The following PRKCH variants were observed in gnomAD, a reference collection of about 807,000 sequenced individuals.
The protein encoded by PRKCH is protein kinase C eta type.
Under a neutral mutation model 82.5 loss-of-function variants are expected in PRKCH, and 28 were observed. The observed-to-expected ratio is 0.34, with a 90% CI of 0.25 to 0.47. The LOEUF (loss-of-function observed/expected upper bound fraction) is 0.47, where lower values mean the gene tolerates loss of function less well. Ranked by LOEUF, PRKCH falls within the 20% of genes least tolerant of loss-of-function variation. The pLI is 1.00. For missense variants in PRKCH, 705 were observed against 881.8 expected (o/e 0.80, Z 2.54); for synonymous variants, 322 against 327.4 (o/e 0.98, Z 0.18).
intron 1 of PRKCH, among the ~76,000 whole-genome samples, chr14:61,272,870 G>A (rs2045170369): frequency 6.6e-6 from 1 of 152,088 alleles, no homozygotes; most frequent in South Asian, 2.1e-4. Flanking sequence ...CTTACTCAGG[G>A]CGGGACTCTC....
At position 61,529,079 on chromosome 14, in the gene PRKCH, C is replaced by G. The variant is rs760379719; in HGVS notation, c.1438C>G (p.Leu480Val). 6.2e-7 allele frequency: 1 copy of G among 1,608,180 alleles called. No individual in the cohort carries two copies. The highest frequency in any genetic ancestry group is 2.2e-5 in the East Asian group (1 of 44,658). ...LHDKGIIYRD[L>V]KLDNVLLDHE... ...GCTGCTCTTTGTATCTTTCAGAGAT[C>G]TGAAACTGGACAATGTCCTGTTGGA... Residue 480 changes from leucine to valine, a missense_variant, in exon 11 of 14, where the codon CTG becomes GTG. By Grantham distance (32) the Leu-to-Val change is conservative. Coordinates refer to ENST00000332981, the MANE Select transcript of PRKCH (RefSeq NM_006255.5).
intron 1 of PRKCH, among the ~76,000 whole-genome samples, chr14:61,328,880 G>A (rs1423757695): frequency 6.6e-6 from 1 of 151,812 alleles, no homozygotes; most frequent in Non-Finnish European, 1.5e-5. Flanking sequence ...CAGCTACTTG[G>A]GAAGCTGAGG....
intron 1 of PRKCH, among the ~76,000 whole-genome samples, chr14:61,242,173 A>C (rs571753386): frequency 6.6e-6 from 1 of 152,198 alleles, no homozygotes; most frequent in African/African-American, 2.4e-5. Context: ...TAGAGTGACA[A>C]TGGAGCAGGA....
intron 1 of PRKCH, among the ~76,000 whole-genome samples, chr14:61,330,209 T>C (rs182955113): frequency 7.9e-5 from 12 of 152,280 alleles, no homozygotes; most frequent in South Asian, 6.2e-4. Context: ...AACATCTTCC[T>C]GGAGGAAAAA....
At chr14:61,446,185 A>G (rs933994548) in intron 4 of PRKCH, among the ~76,000 whole-genome samples, 3 of 152,192 alleles carry the variant, frequency 2.0e-5, no homozygotes. Context: ...AAAAAAAAAA[A>G]AAAAAGTGAG....
chr14:61,424,827 TGG>T (rs1883027353), intron 2 of PRKCH, among the ~76,000 whole-genome samples: 1 of 152,230 alleles, frequency 6.6e-6, no homozygotes, highest in African/African-American at 2.4e-5. Context: ...AGTGGTTTCA[TGG>T]ACTGGGCCCA....
At chr14:61,384,007 A>G (rs1490537742) in intron 1 of PRKCH, among the ~76,000 whole-genome samples, 1 of 152,002 alleles carries the variant, frequency 6.6e-6, no homozygotes, top group Non-Finnish European at 1.5e-5. Flanking sequence ...TAGAGGGGGA[A>G]GTTGATGAGA....
chr14:61,242,300 G>A (rs1303790166), intron 1 of PRKCH, among the ~76,000 whole-genome samples: 1 of 152,168 alleles, frequency 6.6e-6, no homozygotes, highest in Admixed American at 6.5e-5. Context: ...AGTGACATCA[G>A]TTTGGAACAC....
At chr14:61,351,324 T>C (rs1274487189) in intron 1 of PRKCH, among the ~76,000 whole-genome samples, 1 of 152,156 alleles carries the variant, frequency 6.6e-6, no homozygotes, top group Non-Finnish European at 1.5e-5. Flanking sequence ...CGCTTCCAGC[T>C]AAGGTCCTGC....
intron 2 of PRKCH, among the ~76,000 whole-genome samples, chr14:61,413,045 G>GA (rs913164216): frequency 8.0e-5 from 12 of 149,720 alleles, no homozygotes; most frequent in Middle Eastern, 3.5e-3. Context: ...GATTTAAACA[G>GA]AAAAAAAAAA....
chr14:61,269,087 A>G (rs1473918461), intron 1 of PRKCH, among the ~76,000 whole-genome samples: 4 of 152,238 alleles, frequency 2.6e-5, no homozygotes, highest in Admixed American at 6.5e-5. Flanking sequence ...TATGCTTATG[A>G]CAAAGTAAAT....
chr14:61,194,562 A>T (rs2044428664), intron 1 of PRKCH, among the ~76,000 whole-genome samples: 1 of 152,190 alleles, frequency 6.6e-6, no homozygotes, highest in South Asian at 2.1e-4. Context: ...AATCTCTAGA[A>T]CTGTGAGAAA....
chr14:61,219,602 T>G (rs976845929), intron 1 of PRKCH, among the ~76,000 whole-genome samples: 1 of 152,246 alleles, frequency 6.6e-6, no homozygotes, highest in African/African-American at 2.4e-5. Flanking sequence ...CTTAAAATGT[T>G]GTCATTATAT....
In PRKCH at chr14:61,347,388, T is replaced by C. The variant is rs923593565; in HGVS notation, c.363+24924T>C. On this transcript the variant is annotated intron_variant, in intron 1 of 13. Coordinates refer to ENST00000332981, the MANE Select transcript of PRKCH (RefSeq NM_006255.5). Reference sequence around the variant, plus strand: ...TGTCACTGCAGGTCTATTCATGCTTTCGTTCCTCCTTTACCTGCCTTCATC... The same window carrying C: ...TGTCACTGCAGGTCTATTCATGCTTCCGTTCCTCCTTTACCTGCCTTCATC... Among the ~76,000 whole-genome samples the C allele has an allele frequency of 5.3e-5, 8 of 152,248 alleles. 1 individual carries two copies. The highest frequency in any genetic ancestry group is 1.0e-4 in the Non-Finnish European group (7 of 68,048).
intron 2 of PRKCH, among the ~76,000 whole-genome samples, chr14:61,415,240 G>A (rs1882492098): frequency 6.6e-6 from 1 of 152,146 alleles, no homozygotes; most frequent in African/African-American, 2.4e-5. Context: ...GTGTTCTATT[G>A]TGTACCTGTG....
At chr14:61,242,959 C>T (rs2044852049) in intron 1 of PRKCH, among the ~76,000 whole-genome samples, 1 of 151,940 alleles carries the variant, frequency 6.6e-6, no homozygotes, top group Non-Finnish European at 1.5e-5. Flanking sequence ...TGTTTATGGT[C>T]TAGAAGGGAA....
At chr14:61,459,284 G>A (rs1034422121) in intron 9 of PRKCH, among the ~76,000 whole-genome samples, 5 of 152,240 alleles carry the variant, frequency 3.3e-5, no homozygotes, top group African/African-American at 1.2e-4. Flanking sequence ...ACTGGTCAGG[G>A]AGGCTGGCAA....
intron 10 of PRKCH, among the ~76,000 whole-genome samples, chr14:61,512,383 T>C (rs1350062092): frequency 6.6e-6 from 1 of 152,012 alleles, no homozygotes; most frequent in Non-Finnish European, 1.5e-5. Flanking sequence ...TGGAACTGTG[T>C]TCCCAAACTG....
chr14:61,315,548 G>A (rs1330451345), intron 1 of PRKCH, among the ~76,000 whole-genome samples: 1 of 152,096 alleles, frequency 6.6e-6, no homozygotes, highest in Non-Finnish European at 1.5e-5. Flanking sequence ...AGTGTACCAT[G>A]TGCCTGGCAA....
Sources: gnomAD v4.1 joint callset for allele counts (sites outside exome capture counted in the v4.1 genomes callset) on GRCh38, gnomAD v4.1.1 for gene constraint, MANE v1.5 for transcripts, NCBI Gene and HGNC (gene_info 2026-07-23, HGNC 2026-07-21) for gene names.